GABBR2: variants seen among roughly 807,000 people sequenced by gnomAD.
GABBR2 encodes the protein G-protein coupled receptor 51.
A neutral mutation model predicts 105.6 loss-of-function variants in GABBR2; 23 were observed. The ratio of observed to expected loss-of-function variants is 0.22; its 90% confidence interval spans 0.16 to 0.31. GABBR2 has a LOEUF of 0.31. GABBR2 is among the 10% of genes least tolerant of loss of function. The pLI is 1.00. For missense variants in GABBR2, 734 were observed against 1,245.5 expected (o/e 0.59, Z 6.18); for synonymous variants, 478 against 499.7 (o/e 0.96, Z 0.58).
chr9:98,377,076 T>G (rs1170815568), intron 11 of GABBR2, among the ~76,000 whole-genome samples: 1 of 152,242 alleles, frequency 6.6e-6, no homozygotes, highest in Non-Finnish European at 1.5e-5. Context: ...AGTGCACAAC[T>G]GCCCTTGGCA....
chr9:98,584,615 T>C (rs1173572965), intron 1 of GABBR2, among the ~76,000 whole-genome samples: 1 of 152,274 alleles, frequency 6.6e-6, no homozygotes, highest in Non-Finnish European at 1.5e-5. Flanking sequence ...TCCATTTTCA[T>C]TTAAATCTCA....
chr9:98,291,975 A>G (rs916662281), intron 18 of GABBR2, among the ~76,000 whole-genome samples: 3 of 152,176 alleles, frequency 2.0e-5, no homozygotes, highest in African/African-American at 7.2e-5. Flanking sequence ...GCAAGGGAAA[A>G]GGGAGCTGCC....
intron 1 of GABBR2, among the ~76,000 whole-genome samples, chr9:98,624,519 C>T (rs1334629602): frequency 2.6e-5 from 4 of 152,110 alleles, no homozygotes; most frequent in South Asian, 2.1e-4. Flanking sequence ...AAAAGGTGGG[C>T]GGGTGGTTGT....
At chr9:98,525,405 T>C (rs1019893881) in intron 3 of GABBR2, among the ~76,000 whole-genome samples, 5 of 152,330 alleles carry the variant, frequency 3.3e-5, no homozygotes, top group Admixed American at 6.5e-5. Context: ...CATGAACACA[T>C]GTTCAACATC....
intron 3 of GABBR2, among the ~76,000 whole-genome samples, chr9:98,509,279 T>C (rs1827584372): frequency 6.6e-6 from 1 of 151,852 alleles, no homozygotes; most frequent in South Asian, 2.1e-4. Flanking sequence ...TACGTCACCA[T>C]CATCAAAGAC....
At chr9:98,530,957 C>T (rs1828057397) in intron 3 of GABBR2, among the ~76,000 whole-genome samples, 1 of 152,196 alleles carries the variant, frequency 6.6e-6, no homozygotes, top group African/African-American at 2.4e-5. Context: ...TGAGTCCTGC[C>T]CTGGGAGCCT....
Position 98,470,451 on chromosome 9 carries a change from A to G in GABBR2, c.999+2695T>C, listed in dbSNP as rs571371177. 6.6e-5 allele frequency among the ~76,000 whole-genome samples: 10 copies of G among 152,270 alleles called. No individual in the cohort carries two copies. In the South Asian group the frequency reaches 2.1e-3, roughly 32 times the overall value. ...TTATCAAACAATCAGATCTCGTGAA[A>G]CTTATTCTCTACCACAAGAACAGTG... On this transcript the variant is annotated intron_variant, in intron 6 of 18. Transcript: ENST00000259455.
intron 1 of GABBR2, among the ~76,000 whole-genome samples, chr9:98,660,493 T>A (rs1008306801): frequency 2.0e-5 from 3 of 152,246 alleles, no homozygotes; most frequent in Admixed American, 1.3e-4. Context: ...CATTTTTAAC[T>A]GCCTTTATTG....
intron 1 of GABBR2, among the ~76,000 whole-genome samples, chr9:98,660,352 A>T (rs1232776889): frequency 6.6e-6 from 1 of 152,222 alleles, no homozygotes; most frequent in African/African-American, 2.4e-5. Context: ...GAAAATACGT[A>T]TTTCCTTAAT....
chr9:98,470,415 T>C (rs1199326997), intron 6 of GABBR2, among the ~76,000 whole-genome samples: 1 of 152,048 alleles, frequency 6.6e-6, no homozygotes, highest in Non-Finnish European at 1.5e-5. Context: ...CCAAGCAAAA[T>C]GAATTTCCCC....
At chr9:98,626,266 T>C (rs924415700) in intron 1 of GABBR2, among the ~76,000 whole-genome samples, 1 of 152,222 alleles carries the variant, frequency 6.6e-6, no homozygotes, top group Non-Finnish European at 1.5e-5. Context: ...GGGGAGTGAC[T>C]GCCAATGGCT....
intron 3 of GABBR2, among the ~76,000 whole-genome samples, chr9:98,529,160 GA>G (rs11421284): frequency 2.3e-4 from 34 of 145,858 alleles, no homozygotes; most frequent in Middle Eastern, 3.5e-3. Context: ...AAAATGTTAA[GA>G]AAAAAAAAAA....
intron 13 of GABBR2, among the ~76,000 whole-genome samples, chr9:98,357,372 G>A (rs1421439313): frequency 6.6e-6 from 1 of 152,168 alleles, no homozygotes; most frequent in African/African-American, 2.4e-5. Context: ...CATCTGCTGG[G>A]CATGGTGGCT....
intron 6 of GABBR2, among the ~76,000 whole-genome samples, chr9:98,467,874 T>C (rs1201097943): frequency 6.6e-6 from 1 of 152,218 alleles, no homozygotes; most frequent in Non-Finnish European, 1.5e-5. Flanking sequence ...ATGTCCCTAT[T>C]GGAGAGGCTG....
chr9:98,577,681 G>T (rs529469538), intron 2 of GABBR2, among the ~76,000 whole-genome samples: 1 of 152,188 alleles, frequency 6.6e-6, no homozygotes, highest in Non-Finnish European at 1.5e-5. Context: ...CTGAAAGCTG[G>T]GCTAGGGAGT....
chr9:98,655,850 C>G (rs571508538), intron 1 of GABBR2, among the ~76,000 whole-genome samples: 16 of 152,144 alleles, frequency 1.1e-4, no homozygotes, highest in African/African-American at 3.9e-4. Context: ...TGGGGGGCTA[C>G]AGGAGGGATA....
intron 6 of GABBR2, among the ~76,000 whole-genome samples, chr9:98,461,756 C>T (rs1294318821): frequency 1.3e-5 from 2 of 152,188 alleles, no homozygotes; most frequent in East Asian, 1.9e-4. Flanking sequence ...GGTGCAGAAT[C>T]AAGAATCGTG....
chr9:98,378,139 C>T (rs1267843068), intron 11 of GABBR2, among the ~76,000 whole-genome samples: 1 of 152,200 alleles, frequency 6.6e-6, no homozygotes, highest in Non-Finnish European at 1.5e-5. Flanking sequence ...TTAATTCCTA[C>T]CAGACTTGAA....
chr9:98,664,096 G>A (rs889024460), intron 1 of GABBR2, among the ~76,000 whole-genome samples: 11 of 152,172 alleles, frequency 7.2e-5, no homozygotes, highest in African/African-American at 1.9e-4. Context: ...ATGTCTGGGC[G>A]TCGGCAGGAT....
Sources: allele counts gnomAD v4.1 joint callset (sites outside exome capture counted in the v4.1 genomes callset), GRCh38; gene constraint gnomAD v4.1.1; transcripts MANE v1.5; gene names NCBI Gene and HGNC (gene_info 2026-07-23, HGNC 2026-07-21).